UBQLN1: variants seen among roughly 807,000 people sequenced by gnomAD.
UBQLN1 encodes the protein ubiquilin 1, also known as ubiquilin-1.
In UBQLN1, 13 loss-of-function variants were observed where a neutral mutation model predicts 65.4. That is an observed-to-expected ratio of 0.20 (90% CI 0.13 to 0.32). UBQLN1 has a LOEUF of 0.32. Ranked by LOEUF, UBQLN1 falls within the 10% of genes least tolerant of loss-of-function variation. The pLI is 1.00. For missense variants in UBQLN1, 561 were observed against 724.0 expected (o/e 0.77, Z 2.58); for synonymous variants, 267 against 247.8 (o/e 1.08, Z -0.73).
chr9:83,703,122 C>T (rs1422744573), intron 1 of UBQLN1, among the ~76,000 whole-genome samples: 1 of 151,388 alleles, frequency 6.6e-6, no homozygotes, highest in Non-Finnish European at 1.5e-5. Context: ...ACTTGGAAAT[C>T]CTCAAAGCTC....
intron 1 of UBQLN1, among the ~76,000 whole-genome samples, chr9:83,702,286 T>C (rs186161716): frequency 6.6e-6 from 1 of 152,324 alleles, no homozygotes; most frequent in Non-Finnish European, 1.5e-5. Flanking sequence ...AACTGTATGG[T>C]AGGCAAATTA....
In UBQLN1 at chr9:83,660,117, T is replaced by C. The variant is rs995489453; in HGVS notation, c.*1670A>G. On this transcript the variant is annotated 3_prime_UTR_variant, in exon 11 of 11. Transcript: ENST00000376395. ...AGCAGAAAGAGCAAAGACACATGAATACCCTTCTTAACAATCTCTTCTACT... is the reference window on the plus strand; with the variant it reads ...AGCAGAAAGAGCAAAGACACATGAACACCCTTCTTAACAATCTCTTCTACT... 1.3e-5 allele frequency: 2 copies of C among 149,856 alleles called. No homozygotes were observed. The highest frequency in any genetic ancestry group is 1.5e-5 in the Non-Finnish European group (1 of 67,760). 9.3% of individuals were successfully genotyped at this position (149,856 alleles called of 1,614,324 possible).
rs886301087 is a variant in UBQLN1 at position 83,707,874 on chromosome 9, C to T, written c.-195G>A. 1.3e-6 allele frequency: 1 copy of T among 741,488 alleles called. No homozygotes were observed. Among genetic ancestry groups the T allele is most frequent in the Non-Finnish European group, 2.0e-6 (1 of 500,462 alleles). 45.9% of individuals were successfully genotyped at this position (741,488 alleles called of 1,614,324 possible). ...CTCGGTGCAGGCTCTGGCGCAGGCC[C>T]GGGTCAGGCGCTCGGCAGCCGCCGT... On this transcript the variant is annotated 5_prime_UTR_variant, in exon 1 of 11. Transcript: ENST00000376395.
intron 6 of UBQLN1, among the ~76,000 whole-genome samples, chr9:83,671,963 G>A (rs1305492275): frequency 6.6e-6 from 1 of 152,220 alleles, no homozygotes; most frequent in Non-Finnish European, 1.5e-5. Context: ...GAGATCTTCT[G>A]GATAACTTGC....
At chr9:83,669,857 C>G (rs1189004720) in intron 6 of UBQLN1, among the ~76,000 whole-genome samples, 1 of 152,140 alleles carries the variant, frequency 6.6e-6, no homozygotes, top group East Asian at 1.9e-4. Context: ...CCATAGAGCA[C>G]AGTGACTCCA....
chr9:83,666,322 A>C, intron 8 of UBQLN1, 28 bp downstream of exon 8: 2 of 1,608,866 alleles, frequency 1.2e-6, no homozygotes, highest in Non-Finnish European at 8.5e-7. Flanking sequence ...ATCATTACCC[A>C]AGATAGCTAA....
chr9:83,683,414 C>CAAAAAAA (rs766459859), intron 2 of UBQLN1, among the ~76,000 whole-genome samples: 2 of 70,942 alleles, frequency 2.8e-5, no homozygotes, highest in African/African-American at 6.1e-5. Flanking sequence ...GACTCCGTCT[C>CAAAAAAA]AAAAAAAAAA....
At chr9:83,673,218 G>A (rs766856827) in intron 6 of UBQLN1, among the ~76,000 whole-genome samples, 2 of 147,272 alleles carry the variant, frequency 1.4e-5, no homozygotes, top group Non-Finnish European at 3.0e-5. Flanking sequence ...CGACGACTCT[G>A]TCTCAAACAA....
At chr9:83,704,824 C>CAA (rs780432842) in intron 1 of UBQLN1, among the ~76,000 whole-genome samples, 13,018 of 69,174 alleles carry the variant, frequency 0.19, 1,231 homozygotes, top group Middle Eastern at 0.28. Context: ...GACTCCATCT[C>CAA]AAAAAAAAAA....
chr9:83,686,854 AT>A (rs926580667), intron 1 of UBQLN1, among the ~76,000 whole-genome samples: 1 of 152,010 alleles, frequency 6.6e-6, no homozygotes, highest in African/African-American at 2.4e-5. Flanking sequence ...CCAACTTTGG[AT>A]TTTCAAATTA....
chr9:83,702,284 G>A (rs1311512813), intron 1 of UBQLN1, among the ~76,000 whole-genome samples: 3 of 152,090 alleles, frequency 2.0e-5, no homozygotes, highest in African/African-American at 7.2e-5. Context: ...TGAACTGTAT[G>A]GTAGGCAAAT....
At chr9:83,663,788 C>CT (rs1027968852) in intron 10 of UBQLN1, 87 bp downstream of exon 10, 3 of 1,449,112 alleles carry the variant, frequency 2.1e-6, no homozygotes, top group Admixed American at 2.1e-5. Context: ...TACTGCTTTC[C>CT]TTTTTTCTCC....
intron 3 of UBQLN1, among the ~76,000 whole-genome samples, chr9:83,682,044 A>G (rs1421024553): frequency 6.6e-6 from 1 of 152,180 alleles, no homozygotes; most frequent in African/African-American, 2.4e-5. Context: ...AAGAAAATGG[A>G]TAACAGCACT....
chr9:83,671,608 T>C (rs1831732340), intron 6 of UBQLN1, among the ~76,000 whole-genome samples: 1 of 152,130 alleles, frequency 6.6e-6, no homozygotes, highest in Non-Finnish European at 1.5e-5. Context: ...GTCTCACCAG[T>C]AGACTTAAAA....
intron 7 of UBQLN1, chr9:83,667,924 TA>T: frequency 1.0e-6 from 1 of 983,162 alleles, no homozygotes; most frequent in South Asian, 4.7e-5. Flanking sequence ...TGTTTTAGAG[TA>T]AAAAAATAGT....
At chr9:83,684,826 A>C (rs1832012325) in intron 2 of UBQLN1, among the ~76,000 whole-genome samples, 1 of 150,486 alleles carries the variant, frequency 6.6e-6, no homozygotes, top group Admixed American at 6.6e-5. Flanking sequence ...AAAAAAAAAA[A>C]AAGTAAGGAA....
intron 3 of UBQLN1, among the ~76,000 whole-genome samples, chr9:83,681,728 ATTAT>A (rs2131163411): frequency 6.6e-6 from 1 of 152,352 alleles, no homozygotes; most frequent in East Asian, 1.9e-4. Context: ...TTGCAGCCTT[ATTAT>A]TTCTTTTGCA....
chr9:83,667,599 T>C (rs1056305617), intron 7 of UBQLN1: 39 of 985,350 alleles, frequency 4.0e-5, no homozygotes, highest in Non-Finnish European at 4.5e-5. Flanking sequence ...CCTGCTTCTT[T>C]ATTGGTTCCA....
chr9:83,664,043 C>A lies in UBQLN1; in HGVS notation c.1449G>T (p.Gly483=), dbSNP rs751682745. 1 of 1,611,114 alleles carries A rather than the reference C, an allele frequency of 6.2e-7. No individual in the cohort carries two copies. The highest frequency in any genetic ancestry group is 2.2e-5 in the East Asian group (1 of 44,840). Reference sequence around the variant, plus strand: ...CTAATGCCCCCAAGCCAGGAGTAAACCTACAGAAAGCACAAATAGGAAATA... The same window carrying A: ...CTAATGCCCCCAAGCCAGGAGTAAAACTACAGAAAGCACAAATAGGAAATA... ...LATEAPGLIP[G]FTPGLGALGS... The change falls in exon 10 of 11, where the codon GGG becomes GGT. Residue 483 remains glycine (G), a splice_region_variant and synonymous_variant. Transcript: ENST00000376395.
Sources: allele counts gnomAD v4.1 joint callset (sites outside exome capture counted in the v4.1 genomes callset), GRCh38; gene constraint gnomAD v4.1.1; transcripts MANE v1.5; gene names NCBI Gene and HGNC (gene_info 2026-07-23, HGNC 2026-07-21).